NBPF12: variants seen among roughly 807,000 people sequenced by gnomAD.
The protein encoded by NBPF12 is NBPF member 12, also known as NBPF family member NBPF12.
In NBPF12, 115 loss-of-function variants were observed where a neutral mutation model predicts 146.4. That is an observed-to-expected ratio of 0.79 (90% CI 0.68 to 0.92). The LOEUF is 0.92. NBPF12 is among the 40% of genes least tolerant of loss of function. The probability of loss-of-function intolerance (pLI) is 0.00; values close to 1 mark genes in which losing one functional copy is unlikely to be tolerated. For missense variants in NBPF12, 1,205 were observed against 1,326.8 expected, an observed-to-expected ratio of 0.91 and a Z score of 1.43; for synonymous variants, 385 against 508.9, an observed-to-expected ratio of 0.76 and a Z score of 3.28.
intron 31 of NBPF12, among the ~76,000 whole-genome samples, chr1:146,992,469 TGTGTG>T (rs1658249831): frequency 1.2e-5 from 1 of 83,792 alleles, no homozygotes; most frequent in Non-Finnish European, 2.6e-5. Flanking sequence ...TCTCTGTGTG[TGTGTG>T]TGTGTGTGTG....
exon 1 of NBPF12, chr1:146,938,879 A>T (rs1393699124): frequency 1.3e-5 from 2 of 152,164 alleles, no homozygotes; most frequent in Non-Finnish European, 2.9e-5. Flanking sequence ...GGAACGCGGG[A>T]CGGGCGACCT....
At chr1:146,943,985 C>T (rs1400494607) in intron 2 of NBPF12, among the ~76,000 whole-genome samples, 1 of 134,698 alleles carries the variant, frequency 7.4e-6, no homozygotes, top group African/African-American at 2.9e-5. Flanking sequence ...CAGGCTAAGG[C>T]TCTGCACTGT....
chr1:146,978,456 G>T (rs1390036647), intron 18 of NBPF12, among the ~76,000 whole-genome samples: 1,096 of 116,898 alleles, frequency 9.4e-3, no homozygotes, highest in Middle Eastern at 0.03. Context: ...GTAGAGACAG[G>T]GTTTCCCCAT....
At chr1:146,984,537 C>T (rs1553888349) in intron 21 of NBPF12, among the ~76,000 whole-genome samples, 5,685 of 148,628 alleles carry the variant, frequency 0.038, 427 homozygotes, top group African/African-American at 0.14. Context: ...CCTTTGACTC[C>T]CTCATCAGTG....
chr1:146,971,123 T>G (rs1292658603), intron 12 of NBPF12, 60 bp from the exon 16 acceptor site: 7 of 1,607,266 alleles, frequency 4.4e-6, no homozygotes. Context: ...CTAGGACTCC[T>G]TGGGGTCCAA....
chr1:146,963,422 A>T (rs1400268173), intron 6 of NBPF12, 113 bp downstream of exon 9: 15 of 1,595,940 alleles, frequency 9.4e-6, no homozygotes, highest in Non-Finnish European at 1.1e-5. Context: ...TACTACACAT[A>T]TGTGGCCATG....
At chr1:146,960,781 C>T (rs1342191779) in intron 4 of NBPF12, among the ~76,000 whole-genome samples, 2 of 151,942 alleles carry the variant, frequency 1.3e-5, no homozygotes, top group East Asian at 3.9e-4. Flanking sequence ...GTACCCAGTA[C>T]CTGCTCTGAG....
rs1472952459 is a variant in NBPF12 at position 146,965,724 on chromosome 1, G to A, written c.778+620G>A. On this transcript the variant is annotated intron_variant, in intron 8 of 33. Coordinates refer to ENST00000617844, the Ensembl canonical transcript of NBPF12. ...GGAGAATGGCATGAACCCAGGAACC[G>A]GATCTTGCAGTGAGCCGAGATTGTG... is the stretch of plus-strand genomic sequence containing the variant. 1.0e-4 allele frequency among the ~76,000 whole-genome samples: 14 copies of A among 138,462 alleles called. No homozygotes were observed. The East Asian group carries it at 1.2e-3, about 11-fold the overall frequency. The allele number at this position is 138,462 out of a possible 152,430, so 90.8% of individuals were successfully genotyped here.
upstream of NBPF12, among the ~76,000 whole-genome samples, chr1:146,949,163 C>T (rs1254847098): frequency 9.9e-5 from 15 of 151,682 alleles, no homozygotes; most frequent in African/African-American, 3.7e-4. Flanking sequence ...ATGGGTCCTC[C>T]GTATGCGTTC....
At chr1:146,976,768 A>G (rs1449903463) in intron 16 of NBPF12, among the ~76,000 whole-genome samples, 161 bp from the exon 20 acceptor site, 1 of 150,510 alleles carries the variant, frequency 6.6e-6, no homozygotes, top group East Asian at 2.0e-4. Context: ...CTGATGGACC[A>G]GGAAACCATG....
At chr1:146,980,143 A>C (rs1185485040) in intron 19 of NBPF12, among the ~76,000 whole-genome samples, 10 of 151,692 alleles carry the variant, frequency 6.6e-5, no homozygotes, top group Admixed American at 1.3e-4. Flanking sequence ...CAACCCCTGC[A>C]TTTTTTTGCT....
At chr1:146,989,513 G>A (rs1255388422) in intron 27 of NBPF12, 61 bp from the exon 31 acceptor site, 4 of 1,254,196 alleles carry the variant, frequency 3.2e-6, no homozygotes, top group Admixed American at 1.7e-5. Context: ...ATGAAATCTA[G>A]CTGGGGCTGT....
At chr1:146,938,361 C>G (rs1429109860), upstream of NBPF12, among the ~76,000 whole-genome samples, 3 of 152,110 alleles carry the variant, frequency 2.0e-5, no homozygotes, top group Non-Finnish European at 4.4e-5. Flanking sequence ...AGCGCGAAGC[C>G]TGCAGTCCTA....
intron 2 of NBPF12, chr1:146,951,796 C>T (rs1175784920): frequency 1.2e-5 from 3 of 255,280 alleles, no homozygotes; most frequent in East Asian, 1.1e-4. Context: ...TGTCTGTCCC[C>T]TCCCTTTATG....
intron 29 of NBPF12, 143 bp downstream of exon 32, chr1:146,990,660 A>T: frequency 1.7e-6 from 1 of 603,922 alleles, no homozygotes; most frequent in Non-Finnish European, 2.9e-6. Flanking sequence ...TTTTCATTGC[A>T]GTAGATGTTT....
At position 146,963,099 on chromosome 1, in the gene NBPF12, T is replaced by C. The variant is rs1166713282; in HGVS notation, c.283T>C (p.Tyr95His). The change falls in exon 6 of 34, where the codon TAT (tyrosine) becomes CAT (histidine). Residue 95 changes from tyrosine to histidine, a missense_variant. Physicochemically the swap from Tyr to His is moderately conservative, Grantham distance 83 (BLOSUM62 2). Around this residue, in one of 16 missense-constraint regions of NBPF12, gnomAD observed 138 missense variants for 101.7 expected, o/e 1.36. Coordinates refer to ENST00000617844, the Ensembl canonical transcript of NBPF12. ...TTCTCTACCGTCTCACCTTAGGCAA[T>C]ATAAAGTCCTGGTTCACTCTCAGGA... 6 of 1,609,450 alleles carry C rather than the reference T, an allele frequency of 3.7e-6. No individual in the cohort carries two copies. The East Asian group carries it at 6.7e-5, about 18-fold the overall frequency.
intron 12 of NBPF12, 22 bp from the exon 16 acceptor site, chr1:146,971,161 T>G: frequency 6.2e-7 from 1 of 1,610,832 alleles, no homozygotes; most frequent in Non-Finnish European, 8.5e-7. Flanking sequence ...TTCTGTCATC[T>G]CTGTCCCACC....
intron 19 of NBPF12, among the ~76,000 whole-genome samples, chr1:146,980,150 T>C (rs1210964078): frequency 6.6e-6 from 1 of 152,064 alleles, no homozygotes; most frequent in East Asian, 1.9e-4. Flanking sequence ...TGCATTTTTT[T>C]GCTTTCCATT....
intron 19 of NBPF12, among the ~76,000 whole-genome samples, chr1:146,980,231 T>C (rs1657284012): frequency 1.3e-5 from 2 of 152,082 alleles, no homozygotes; most frequent in Non-Finnish European, 2.9e-5. Flanking sequence ...ATGGGTTTTC[T>C]GAGTACAGCG....
Sources: gnomAD v4.1 joint callset for allele counts (sites outside exome capture counted in the v4.1 genomes callset) on GRCh38, gnomAD v4.1.1 for gene constraint, gnomAD v4.1.1 regional missense constraint, MANE v1.5 for transcripts, NCBI Gene and HGNC (gene_info 2026-07-23, HGNC 2026-07-21) for gene names.